Variants in SEMA6D observed in about 807,000 individuals in gnomAD.
SEMA6D encodes semaphorin 6D.
In SEMA6D, 35 loss-of-function variants were observed where a neutral mutation model predicts 106.6. The observed-to-expected ratio is 0.33, with a 90% CI of 0.25 to 0.44. SEMA6D has a LOEUF of 0.44. Ranked by LOEUF, SEMA6D falls within the 20% of genes least tolerant of loss-of-function variation. The pLI is 1.00. For missense variants in SEMA6D, 1,185 were observed against 1,345.9 expected, an observed-to-expected ratio of 0.88 and a Z score of 1.87; for synonymous variants, 499 against 487.7, an observed-to-expected ratio of 1.02 and a Z score of -0.31.
At chr15:47,491,228 C>G (rs983571887) in intron 3 of SEMA6D, among the ~76,000 whole-genome samples, 2 of 152,082 alleles carry the variant, frequency 1.3e-5, no homozygotes, top group Non-Finnish European at 2.9e-5. Context: ...TCAAATAACC[C>G]TACAACTAGA....
chr15:47,746,986 A>ATATATATATATATATATATATG (rs1310886983), intron 1 of SEMA6D, among the ~76,000 whole-genome samples: 3 of 89,828 alleles, frequency 3.3e-5, no homozygotes, highest in Non-Finnish European at 5.7e-5. Flanking sequence ...GTGTGTGTGT[A>ATATATATATATATATATATATG]TATATATATA....
At chr15:47,212,586 A>G (rs1422284473) in intron 1 of SEMA6D, among the ~76,000 whole-genome samples, 1 of 152,208 alleles carries the variant, frequency 6.6e-6, no homozygotes, top group Non-Finnish European at 1.5e-5. Context: ...TAATAAAACT[A>G]TCAATTATCC....
At chr15:47,539,644 C>T (rs1354175253) in intron 3 of SEMA6D, among the ~76,000 whole-genome samples, 3 of 152,004 alleles carry the variant, frequency 2.0e-5, no homozygotes, top group Non-Finnish European at 2.9e-5. Context: ...AGGATGGTCT[C>T]GATCTCTTGA....
intron 17 of SEMA6D, 129 bp from the exon 18 acceptor site, chr15:47,768,452 G>A (rs536231681): frequency 7.3e-5 from 50 of 683,938 alleles, no homozygotes; most frequent in Non-Finnish European, 9.1e-5. Context: ...TTCCTCAGGC[G>A]TGTTTTTACA....
chr15:47,534,325 G>A (rs2045081108), intron 3 of SEMA6D, among the ~76,000 whole-genome samples: 1 of 152,002 alleles, frequency 6.6e-6, no homozygotes, highest in Non-Finnish European at 1.5e-5. Context: ...CTAGTAGCTG[G>A]GATTACAGGC....
At chr15:47,577,323 G>A (rs897535387) in intron 3 of SEMA6D, among the ~76,000 whole-genome samples, 2 of 152,178 alleles carry the variant, frequency 1.3e-5, no homozygotes, top group Non-Finnish European at 2.9e-5. Context: ...TTGTTTACTA[G>A]AAGACCAAGC....
intron 1 of SEMA6D, among the ~76,000 whole-genome samples, chr15:47,377,851 T>C (rs541261287): frequency 2.0e-4 from 30 of 152,326 alleles, no homozygotes; most frequent in African/African-American, 6.5e-4. Context: ...CTGCATTTCC[T>C]TTTAGTCAGA....
chr15:47,367,727 C>CACACAG (rs1555428992), intron 1 of SEMA6D, among the ~76,000 whole-genome samples: 1 of 147,916 alleles, frequency 6.8e-6, no homozygotes, highest in African/African-American at 2.5e-5. Flanking sequence ...CACACACACA[C>CACACAG]AGAGAGAGAG....
chr15:47,442,596 T>G (rs2041914218), intron 2 of SEMA6D, among the ~76,000 whole-genome samples: 1 of 152,124 alleles, frequency 6.6e-6, no homozygotes, highest in African/African-American at 2.4e-5. Context: ...CATCTGTGGA[T>G]GTGCTTCTCA....
chr15:47,768,656 G>A lies in SEMA6D; in HGVS notation c.1841G>A (p.Trp614Ter), dbSNP rs756786659. ...ATCACACCTAAAGTGATTGATACCT[G>A]GAGACCTAAACTGACAAGCTCTCGG... Reference protein sequence around the residue: ...PEITPKVIDTWRPKLTSSRKF... With the variant: ...PEITPKVIDT The change falls in exon 18 of 19, where the codon TGG becomes TAG. Residue 614 changes from tryptophan to a stop codon, truncating the protein, a stop_gained. Coordinates refer to ENST00000536845, the MANE Select transcript of SEMA6D (RefSeq NM_001358351.3). LOFTEE classifies it high-confidence loss of function. The A allele has an allele frequency of 2.5e-6, 4 of 1,613,560 alleles. No individual in the cohort carries two copies. The South Asian group carries it at 3.3e-5, about 13-fold the overall frequency.
chr15:47,747,049 G>A (rs1271723264), intron 1 of SEMA6D, among the ~76,000 whole-genome samples: 1 of 149,856 alleles, frequency 6.7e-6, no homozygotes, highest in Non-Finnish European at 1.5e-5. Flanking sequence ...CACAAAGCAA[G>A]TTATTATATT....
chr15:47,730,251 C>G (rs910153690), intron 1 of SEMA6D: 4 of 1,539,868 alleles, frequency 2.6e-6, no homozygotes, highest in Non-Finnish European at 3.5e-6. Context: ...CGGATCTCAT[C>G]GTATCTGTCG....
chr15:47,461,345 C>CA (rs2042503600), intron 2 of SEMA6D, among the ~76,000 whole-genome samples: 2 of 152,058 alleles, frequency 1.3e-5, no homozygotes, highest in African/African-American at 4.8e-5. Context: ...CACTGCCACA[C>CA]ACACACTCTT....
At chr15:47,435,800 T>A (rs989975427) in intron 2 of SEMA6D, among the ~76,000 whole-genome samples, 4 of 152,156 alleles carry the variant, frequency 2.6e-5, no homozygotes, top group Non-Finnish European at 4.4e-5. Flanking sequence ...ATAGTCATAT[T>A]ATTGTGTTTC....
chr15:47,518,124 A>G (rs1055904123), intron 3 of SEMA6D, among the ~76,000 whole-genome samples: 1 of 152,180 alleles, frequency 6.6e-6, no homozygotes, highest in African/African-American at 2.4e-5. Flanking sequence ...AAGGCTATTT[A>G]TTTACATTTT....
At chr15:47,422,321 A>T (rs958274487) in intron 2 of SEMA6D, among the ~76,000 whole-genome samples, 2 of 151,906 alleles carry the variant, frequency 1.3e-5, no homozygotes, top group African/African-American at 4.8e-5. Flanking sequence ...TCTTTAAGTG[A>T]TGAAGTATGT....
rs577028296 is a variant in SEMA6D at position 47,488,659 on chromosome 15, G to A, written c.-87+18114G>A. ...AAAGCCTGAGACTTGAGGAAGGGAG[G>A]GAGTTAGCTAGAGGAGGAGTGGGAG... On this transcript the variant is annotated intron_variant, in intron 3 of 19. Coordinates refer to the SEMA6D transcript ENST00000558014. Among the ~76,000 whole-genome samples, 9 of 152,256 alleles carry A rather than the reference G, an allele frequency of 5.9e-5. No homozygotes were observed. In the East Asian group the frequency reaches 1.7e-3, roughly 29 times the overall value.
At chr15:47,711,713 T>G (rs2079027627) in intron 4 of SEMA6D, among the ~76,000 whole-genome samples, 1 of 152,248 alleles carries the variant, frequency 6.6e-6, no homozygotes, top group Non-Finnish European at 1.5e-5. Context: ...CTTCAATATA[T>G]TCAATGTTAA....
At chr15:47,747,325 T>A (rs2081200645) in intron 1 of SEMA6D, among the ~76,000 whole-genome samples, 1 of 152,138 alleles carries the variant, frequency 6.6e-6, no homozygotes. Flanking sequence ...ATTGTCCAGG[T>A]TTGCTTAGAA....
Sources: gnomAD v4.1 joint callset for allele counts (sites outside exome capture counted in the v4.1 genomes callset) on GRCh38, gnomAD v4.1.1 for gene constraint, MANE v1.5 for transcripts, NCBI Gene and HGNC (gene_info 2026-07-23, HGNC 2026-07-21) for gene names.